The following DGLUCY variants were observed in gnomAD, a reference collection of about 807,000 sequenced individuals.
DGLUCY encodes D-glutamate cyclase, mitochondrial.
Under a neutral mutation model 58.5 loss-of-function variants are expected in DGLUCY, and 58 were observed. That is an observed-to-expected ratio of 0.99 (90% CI 0.80 to 1.23). The LOEUF (loss-of-function observed/expected upper bound fraction) is 1.23. DGLUCY is among the 50% of genes most tolerant of loss of function. DGLUCY has a pLI of 0.00. For synonymous variants in DGLUCY, 325 were observed against 314.1 expected (o/e 1.03, Z -0.37); for missense variants, 779 against 784.7 (o/e 0.99, Z 0.09).
intron 1 of DGLUCY, among the ~76,000 whole-genome samples, chr14:91,076,063 A>G (rs1349961383): frequency 6.6e-6 from 1 of 151,882 alleles, no homozygotes; most frequent in Non-Finnish European, 1.5e-5. Context: ...CAGTGAGCCA[A>G]GATTGTGCCA....
intron 1 of DGLUCY, among the ~76,000 whole-genome samples, chr14:91,151,594 A>T (rs1269115744): frequency 6.6e-6 from 1 of 151,170 alleles, no homozygotes; most frequent in East Asian, 1.9e-4. Flanking sequence ...CATTTCAAGA[A>T]TGGTACTAAA....
intron 1 of DGLUCY, among the ~76,000 whole-genome samples, chr14:91,143,138 C>A (rs573929054): frequency 3.4e-4 from 51 of 151,456 alleles, no homozygotes; most frequent in African/African-American, 1.2e-3. Flanking sequence ...CTCTGTCGCC[C>A]AGGCTGGAGT....
intron 1 of DGLUCY, among the ~76,000 whole-genome samples, chr14:91,131,639 C>T (rs1370441645): frequency 3.3e-5 from 5 of 152,180 alleles, no homozygotes; most frequent in Admixed American, 1.3e-4. Context: ...CCACAGGCCC[C>T]GGTGTGTGAT....
intron 3 of DGLUCY, among the ~76,000 whole-genome samples, chr14:91,162,921 CAAA>C (rs1321195835): frequency 6.9e-6 from 1 of 144,940 alleles, no homozygotes; most frequent in Non-Finnish European, 1.5e-5. Context: ...AAAAAGGAAA[CAAA>C]GAAGCTTTGT....
At chr14:91,097,777 A>G (rs879762156) in intron 1 of DGLUCY, among the ~76,000 whole-genome samples, 1 of 151,712 alleles carries the variant, frequency 6.6e-6, no homozygotes, top group East Asian at 1.9e-4. Flanking sequence ...GGGTTCAAGC[A>G]ATTCTTCTGC....
intron 1 of DGLUCY, among the ~76,000 whole-genome samples, chr14:91,080,747 T>TA (rs59832637): frequency 0.28 from 43,112 of 151,966 alleles, 6,217 homozygotes; most frequent in Middle Eastern, 0.32. Context: ...TTCAACTATC[T>TA]ATATGAAACC....
chr14:91,167,139 C>CAA (rs369936973), intron 3 of DGLUCY, 86 bp from the exon 4 acceptor site: 2,035 of 1,192,992 alleles, frequency 1.7e-3, no homozygotes, highest in Middle Eastern at 2.2e-3. Flanking sequence ...AACTCCGCCT[C>CAA]AAAAAAAAAA....
chr14:91,086,301 A>G (rs989832605), intron 1 of DGLUCY, among the ~76,000 whole-genome samples: 2 of 152,150 alleles, frequency 1.3e-5, no homozygotes, highest in South Asian at 2.1e-4. Flanking sequence ...ATGCACTTCA[A>G]TTATCCCCAA....
At chr14:91,135,948 T>G (rs1313676204) in intron 1 of DGLUCY, among the ~76,000 whole-genome samples, 3 of 139,366 alleles carry the variant, frequency 2.2e-5, no homozygotes, top group African/African-American at 8.5e-5. Context: ...TTTTTTTTTT[T>G]TTTTGAGATA....
Position 91,175,966 on chromosome 14 carries a change from G to C in DGLUCY, c.640G>C (p.Ala214Pro). 2 of 1,614,006 alleles carry C rather than the reference G, an allele frequency of 1.2e-6. No homozygotes were observed. The highest frequency in any genetic ancestry group is 2.2e-5 in the South Asian group (2 of 91,082). ...GGGAATCAAAGAGCTTTCCAAACCT[G>C]CCTACGGGGATGCCATGGTGTGTCC... ...LLGIKELSKPAYGDAMVCPPG... is the reference protein window; with the variant it reads ...LLGIKELSKPPYGDAMVCPPG... Residue 214 changes from alanine (A) to proline (P), a missense_variant, in exon 7 of 14, where the codon GCC becomes CCC. By Grantham distance (27) the Ala-to-Pro change is conservative. Coordinates refer to ENST00000256324, the MANE Select transcript of DGLUCY (RefSeq NM_001102368.3).
At chr14:91,126,405 T>G (rs894648582) in intron 1 of DGLUCY, 1 of 50,290 alleles carries the variant, frequency 2.0e-5, no homozygotes, top group African/African-American at 5.7e-4. Context: ...TGTCTGTGCC[T>G]TCTTATAATT....
chr14:91,170,125 C>T lies in DGLUCY; in HGVS notation c.380C>T (p.Ser127Phe), dbSNP rs1055184931. The T allele has an allele frequency of 1.9e-6, 3 of 1,613,292 alleles. No individual in the cohort carries two copies. The African/African-American group carries it at 4.0e-5, about 22-fold the overall frequency. ...GCCTTCTTCCTGGGCTGCAGCTTCT[C>T]CCTGGAGGAGGCCTTGGAGAAAGCG... ...MVAFFLGCSF[S>F]LEEALEKAGL... is the part of the protein sequence containing the mutation. Residue 127 changes from serine (S) to phenylalanine (F), a missense_variant, in exon 5 of 14, where the codon TCC (serine) becomes TTC (phenylalanine). Transcript: ENST00000256324.
intron 1 of DGLUCY, among the ~76,000 whole-genome samples, chr14:91,097,938 C>A (rs1431679973): frequency 1.3e-5 from 2 of 152,150 alleles, no homozygotes; most frequent in Non-Finnish European, 2.9e-5. Flanking sequence ...TGTTTAACAA[C>A]CAGCTTTCTG....
chr14:91,183,733 A>G (rs1208696956), intron 8 of DGLUCY, among the ~76,000 whole-genome samples: 4 of 152,178 alleles, frequency 2.6e-5, no homozygotes, highest in African/African-American at 9.6e-5. Flanking sequence ...TCCAAAATCC[A>G]CATACCTAGT....
intron 1 of DGLUCY, among the ~76,000 whole-genome samples, chr14:91,088,863 G>A (rs980965957): frequency 3.3e-5 from 5 of 152,138 alleles, no homozygotes; most frequent in Admixed American, 6.5e-5. Context: ...TGGGGACCCC[G>A]CCCTCCCAAG....
At chr14:91,221,934 G>T (rs1028772018) in intron 13 of DGLUCY, among the ~76,000 whole-genome samples, 2 of 151,640 alleles carry the variant, frequency 1.3e-5, no homozygotes, top group South Asian at 2.1e-4. Flanking sequence ...CCTGCCCACC[G>T]TGCTCCCAGT....
At chr14:91,112,836 G>A (rs968652091), upstream of DGLUCY, among the ~76,000 whole-genome samples, 4 of 151,592 alleles carry the variant, frequency 2.6e-5, no homozygotes, top group African/African-American at 9.7e-5. Context: ...TGGCTAACAC[G>A]GTGAAACCCT....
rs1040854872 is a variant in DGLUCY at position 91,164,505 on chromosome 14, G to A, written c.104-2720G>A. On this transcript the variant is annotated intron_variant, in intron 3 of 13. Coordinates refer to ENST00000256324, the MANE Select transcript of DGLUCY (RefSeq NM_001102368.3). ...GGGAAGGCTTTCCAGTTATTTGAAAGGATTTGGGTGTTGTGATCTAAGCTG... is the reference window on the plus strand; with the variant it reads ...GGGAAGGCTTTCCAGTTATTTGAAAAGATTTGGGTGTTGTGATCTAAGCTG... Among the ~76,000 whole-genome samples the A allele has an allele frequency of 2.0e-5, 3 of 152,314 alleles. No homozygotes were observed. The East Asian group carries it at 5.8e-4, about 29-fold the overall frequency.
At chr14:91,061,829 A>G (rs183945030) in intron 1 of DGLUCY, among the ~76,000 whole-genome samples, 62 of 152,338 alleles carry the variant, frequency 4.1e-4, no homozygotes, top group African/African-American at 1.5e-3. Context: ...TTTAGTACAC[A>G]GTGATGAACT....
Sources: allele counts gnomAD v4.1 joint callset (sites outside exome capture counted in the v4.1 genomes callset), GRCh38; gene constraint gnomAD v4.1.1; transcripts MANE v1.5; gene names NCBI Gene and HGNC (gene_info 2026-07-23, HGNC 2026-07-21).